The following DNAJC1 variants were observed in gnomAD, a reference collection of about 807,000 sequenced individuals.
DNAJC1 encodes the protein dnaJ homolog subfamily C member 1.
In DNAJC1, 58 loss-of-function variants were observed where a neutral mutation model predicts 76.6. The observed-to-expected ratio is 0.76, with a 90% CI of 0.61 to 0.94. The LOEUF is 0.94. Ranked by LOEUF, DNAJC1 falls within the 40% of genes least tolerant of loss-of-function variation. DNAJC1 has a pLI of 0.00. For synonymous variants in DNAJC1, 258 were observed against 267.9 expected (o/e 0.96, Z 0.36); for missense variants, 689 against 677.3 (o/e 1.02, Z -0.19).
intron 8 of DNAJC1, among the ~76,000 whole-genome samples, chr10:21,826,659 C>G (rs1043893357): frequency 1.3e-5 from 2 of 152,084 alleles, no homozygotes; most frequent in Non-Finnish European, 2.9e-5. Context: ...ATCTTTGACC[C>G]ATTTTTGTAA....
chr10:21,921,505 T>C (rs572061052), intron 3 of DNAJC1, among the ~76,000 whole-genome samples: 1 of 152,034 alleles, frequency 6.6e-6, no homozygotes, highest in Admixed American at 6.6e-5. Context: ...TAAAAGCCTA[T>C]AAAATTGAGT....
At chr10:21,823,489 C>A (rs1412824984) in intron 8 of DNAJC1, among the ~76,000 whole-genome samples, 6 of 152,120 alleles carry the variant, frequency 3.9e-5, no homozygotes, top group Admixed American at 3.9e-4. Context: ...TTTTCTATCA[C>A]TGATGAGTAT....
At chr10:21,895,436 C>A (rs988105359) in intron 7 of DNAJC1, among the ~76,000 whole-genome samples, 1 of 152,154 alleles carries the variant, frequency 6.6e-6, no homozygotes. Flanking sequence ...GAAGGCAGAA[C>A]TTAAGAGCAA....
intron 9 of DNAJC1, among the ~76,000 whole-genome samples, chr10:21,770,014 A>G (rs562141757): frequency 6.6e-6 from 1 of 152,288 alleles, no homozygotes; most frequent in South Asian, 2.1e-4. Context: ...CAATAAAACA[A>G]CTTCTCTGCT....
intron 1 of DNAJC1, among the ~76,000 whole-genome samples, chr10:21,959,455 G>A (rs1000017117): frequency 6.6e-6 from 1 of 152,070 alleles, no homozygotes; most frequent in African/African-American, 2.4e-5. Flanking sequence ...TCCTCGAGAT[G>A]TTTTAGTTTC....
chr10:21,896,840 T>C (rs1237966115), intron 7 of DNAJC1, among the ~76,000 whole-genome samples: 5 of 152,150 alleles, frequency 3.3e-5, no homozygotes, highest in Admixed American at 3.3e-4. Context: ...AAAAGGCCAC[T>C]GGGAGGTGAT....
chr10:21,848,931 A>G (rs922125549), intron 8 of DNAJC1, among the ~76,000 whole-genome samples: 11 of 152,218 alleles, frequency 7.2e-5, no homozygotes, highest in Non-Finnish European at 1.0e-4. Flanking sequence ...AACAAATTAA[A>G]ATAATAATAA....
At chr10:21,843,808 C>T (rs1305960713) in intron 8 of DNAJC1, among the ~76,000 whole-genome samples, 1 of 151,496 alleles carries the variant, frequency 6.6e-6, no homozygotes, top group Non-Finnish European at 1.5e-5. Flanking sequence ...GGTGTGATCT[C>T]AGCTCCCTGC....
At chr10:21,868,676 G>A (rs900844597) in intron 8 of DNAJC1, among the ~76,000 whole-genome samples, 12 of 152,004 alleles carry the variant, frequency 7.9e-5, no homozygotes, top group Admixed American at 2.6e-4. Flanking sequence ...GGTTGTCAGA[G>A]GTTAAGGAGG....
At chr10:21,777,145 A>G (rs1397261050) in intron 9 of DNAJC1, among the ~76,000 whole-genome samples, 3 of 152,214 alleles carry the variant, frequency 2.0e-5, no homozygotes, top group Non-Finnish European at 4.4e-5. Context: ...AATGAATATC[A>G]TTAATAGTAT....
chr10:21,804,682 C>T (rs896741541), intron 9 of DNAJC1, among the ~76,000 whole-genome samples: 1 of 146,820 alleles, frequency 6.8e-6, no homozygotes, highest in Admixed American at 6.8e-5. Flanking sequence ...AAAAAAGTTA[C>T]AAAATACTTC....
chr10:21,788,907 C>T (rs1834646219), intron 9 of DNAJC1, among the ~76,000 whole-genome samples: 1 of 152,138 alleles, frequency 6.6e-6, no homozygotes, highest in Admixed American at 6.5e-5. Flanking sequence ...GAAGGTGCCT[C>T]AGAGTCACAG....
At chr10:21,831,586 A>G (rs770785385) in intron 8 of DNAJC1, among the ~76,000 whole-genome samples, 32 of 152,160 alleles carry the variant, frequency 2.1e-4, no homozygotes, top group Admixed American at 1.6e-3. Context: ...GTCAGGAGAT[A>G]GAGACCATCC....
rs756525926 is a variant in DNAJC1, at chr10:21,929,050, T to A, written c.314A>T (p.Gln105Leu). Residue 105 changes from glutamine to leucine, a missense_variant, in exon 2 of 12, where the codon CAG becomes CTG. Coordinates refer to ENST00000376980, the MANE Select transcript of DNAJC1 (RefSeq NM_022365.4). ...GCATATTTCACTTACTTGTCTAAAC[T>A]GAGTTTCTGCATTTTCATCTTTATT... ...DKNKDENAET[Q>L]FRQLVAIYEV... 1.2e-6 allele frequency: 2 copies of A among 1,604,010 alleles called. No homozygotes were observed. Among genetic ancestry groups the A allele is most frequent in the Non-Finnish European group, 1.7e-6 (2 of 1,173,908 alleles).
At chr10:21,819,760 T>A (rs1313842385) in intron 8 of DNAJC1, among the ~76,000 whole-genome samples, 1 of 151,926 alleles carries the variant, frequency 6.6e-6, no homozygotes, top group African/African-American at 2.4e-5. Flanking sequence ...TGAAACACCA[T>A]CTCTACCAAA....
intron 9 of DNAJC1, among the ~76,000 whole-genome samples, chr10:21,783,159 C>A (rs1316781156): frequency 6.6e-6 from 1 of 152,176 alleles, no homozygotes; most frequent in East Asian, 1.9e-4. Context: ...ACCCCATCAT[C>A]TCAGCCCAAA....
At chr10:21,782,947 T>C (rs985284041) in intron 9 of DNAJC1, among the ~76,000 whole-genome samples, 13 of 152,258 alleles carry the variant, frequency 8.5e-5, no homozygotes, top group Middle Eastern at 3.4e-3. Context: ...CAATATCACA[T>C]TGAATTGACA....
chr10:21,900,074 A>G (rs1836622604), intron 7 of DNAJC1, among the ~76,000 whole-genome samples: 1 of 152,168 alleles, frequency 6.6e-6, no homozygotes, highest in Non-Finnish European at 1.5e-5. Flanking sequence ...TGGGTGCAGC[A>G]GCTCACACCT....
intron 9 of DNAJC1, among the ~76,000 whole-genome samples, chr10:21,781,800 T>A (rs1031753962): frequency 6.6e-6 from 1 of 150,602 alleles, no homozygotes; most frequent in Non-Finnish European, 1.5e-5. Context: ...GAATGACTAC[T>A]GGGTACATAA....
Sources: allele counts gnomAD v4.1 joint callset (sites outside exome capture counted in the v4.1 genomes callset), GRCh38; gene constraint gnomAD v4.1.1; transcripts MANE v1.5; gene names NCBI Gene and HGNC (gene_info 2026-07-23, HGNC 2026-07-21).